The following KIF26B variants were observed in gnomAD, a reference collection of about 807,000 sequenced individuals.
KIF26B encodes the protein kinesin-like protein KIF26B.
In KIF26B, 63 loss-of-function variants were observed where a neutral mutation model predicts 151.2. The observed-to-expected ratio is 0.42, with a 90% CI of 0.34 to 0.51. The LOEUF (loss-of-function observed/expected upper bound fraction) is 0.51. Ranked by LOEUF, KIF26B falls within the 20% of genes least tolerant of loss-of-function variation. The probability of loss-of-function intolerance (pLI) is 0.07; values close to 1 mark genes in which losing one functional copy is unlikely to be tolerated. For synonymous variants in KIF26B, 1,357 were observed against 1,262.1 expected (o/e 1.08, Z -1.59); for missense variants, 2,813 against 2,913.6 (o/e 0.97, Z 0.79).
intron 2 of KIF26B, among the ~76,000 whole-genome samples, chr1:245,171,904 G>A (rs1050996081): frequency 1.3e-5 from 2 of 152,174 alleles, no homozygotes; most frequent in South Asian, 2.1e-4. Flanking sequence ...CTTCACAGGC[G>A]TGTTTTGTCT....
At chr1:245,265,127 G>A (rs577404990) in intron 2 of KIF26B, among the ~76,000 whole-genome samples, 7 of 151,162 alleles carry the variant, frequency 4.6e-5, no homozygotes, top group East Asian at 2.0e-4. Context: ...GTGTGAACCC[G>A]GGAGGCGGAG....
At chr1:245,696,510 T>C (rs1014526091) in intron 12 of KIF26B, among the ~76,000 whole-genome samples, 18 of 152,082 alleles carry the variant, frequency 1.2e-4, no homozygotes, top group African/African-American at 4.1e-4. Context: ...TCAATGTTTG[T>C]TGTTTTAGCC....
intron 2 of KIF26B, among the ~76,000 whole-genome samples, chr1:245,211,839 T>G (rs576390917): frequency 6.6e-6 from 1 of 152,376 alleles, no homozygotes; most frequent in African/African-American, 2.4e-5. Context: ...TGTTTCCTTC[T>G]CAGTTTCTTA....
intron 9 of KIF26B, among the ~76,000 whole-genome samples, chr1:245,619,591 G>A (rs2043635581): frequency 7.8e-6 from 1 of 128,944 alleles, no homozygotes; most frequent in Non-Finnish European, 1.6e-5. Context: ...GGGCAATAGA[G>A]GGAAACTGTT....
intron 2 of KIF26B, among the ~76,000 whole-genome samples, chr1:245,326,519 G>A (rs934197303): frequency 1.3e-5 from 2 of 152,146 alleles, no homozygotes; most frequent in Non-Finnish European, 2.9e-5. Context: ...CAAAGGTTCC[G>A]GACCACTGTT....
At chr1:245,449,932 G>A (rs1659348343) in intron 4 of KIF26B, among the ~76,000 whole-genome samples, 1 of 152,172 alleles carries the variant, frequency 6.6e-6, no homozygotes, top group Non-Finnish European at 1.5e-5. Context: ...TGGATTCATT[G>A]CAAGTGGACT....
At chr1:245,637,564 G>T (rs2043848780) in intron 9 of KIF26B, among the ~76,000 whole-genome samples, 1 of 151,642 alleles carries the variant, frequency 6.6e-6, no homozygotes, top group African/African-American at 2.4e-5. Context: ...ATGTTTTTGA[G>T]GTCTTACCCC....
chr1:245,524,043 T>G (rs915366482), intron 4 of KIF26B, among the ~76,000 whole-genome samples: 1 of 152,212 alleles, frequency 6.6e-6, no homozygotes, highest in African/African-American at 2.4e-5. Context: ...GTAAAATAAT[T>G]TAAATCTTAA....
chr1:245,325,295 C>A (rs1671967444), intron 2 of KIF26B, among the ~76,000 whole-genome samples: 1 of 152,128 alleles, frequency 6.6e-6, no homozygotes, highest in Non-Finnish European at 1.5e-5. Context: ...CATGTAGTTG[C>A]ACCTGCTATG....
chr1:245,196,073 A>T (rs1182528632), intron 2 of KIF26B, among the ~76,000 whole-genome samples: 1 of 152,144 alleles, frequency 6.6e-6, no homozygotes, highest in Non-Finnish European at 1.5e-5. Context: ...ATTTGTTTCT[A>T]GTGTTTTGTA....
At chr1:245,237,481 C>A (rs1172499477) in intron 2 of KIF26B, among the ~76,000 whole-genome samples, 1 of 152,116 alleles carries the variant, frequency 6.6e-6, no homozygotes, top group Non-Finnish European at 1.5e-5. Flanking sequence ...TGTGATCACC[C>A]AGCCGTGGTA....
chr1:245,682,265 AAAAG>A (rs2044450124), intron 10 of KIF26B, among the ~76,000 whole-genome samples: 1 of 152,248 alleles, frequency 6.6e-6, no homozygotes, highest in Non-Finnish European at 1.5e-5. Context: ...GAAAGAAAAA[AAAAG>A]TCATCGAAAT....
intron 2 of KIF26B, among the ~76,000 whole-genome samples, chr1:245,183,574 G>A (rs1028939387): frequency 6.6e-6 from 1 of 152,142 alleles, no homozygotes; most frequent in Non-Finnish European, 1.5e-5. Flanking sequence ...TTCTAACAAA[G>A]CATATGTAGT....
In KIF26B at chr1:245,204,518, C is replaced by T. The variant is rs142321358; in HGVS notation, c.465+47835C>T. On this transcript the variant is annotated intron_variant, in intron 2 of 14. Transcript: ENST00000407071. Reference sequence around the variant, plus strand: ...CCTCCTGAGTAGCTGGGATTACAAGCGCCCGCCACCATGCCCAGCTAATTT... The same window carrying T: ...CCTCCTGAGTAGCTGGGATTACAAGTGCCCGCCACCATGCCCAGCTAATTT... Among the ~76,000 whole-genome samples the T allele has an allele frequency of 9.7e-3, 1,479 of 152,044 alleles. 21 individuals carry two copies. Among genetic ancestry groups the T allele is most frequent in the African/African-American group, 0.032 (1,311 of 41,466 alleles).
chr1:245,430,866 G>A (rs1687098), intron 4 of KIF26B, among the ~76,000 whole-genome samples: 20,481 of 152,152 alleles, frequency 0.13, 1,401 homozygotes, highest in African/African-American at 0.16. Context: ...AGTAGGCAAC[G>A]CATAGGGATC....
Position 245,702,645 on chromosome 1 carries a change from A to T in KIF26B, c.*39A>T. The T allele has an allele frequency of 6.3e-7, 1 of 1,598,198 alleles. No homozygotes were observed. The highest frequency in any genetic ancestry group is 8.5e-7 in the Non-Finnish European group (1 of 1,171,156). ...TTGTCCTAGTGGTCCCCCGCTCCCC[A>T]GGACTTCAGAGATGTTGCACGCCCC... On this transcript the variant is annotated 3_prime_UTR_variant, in exon 15 of 15. Transcript: ENST00000407071. The surrounding 1 kb of genome is among the most constrained non-coding windows in gnomAD (Gnocchi z 4.1).
At chr1:245,379,014 T>A (rs1673340110) in intron 3 of KIF26B, among the ~76,000 whole-genome samples, 1 of 152,218 alleles carries the variant, frequency 6.6e-6, no homozygotes, top group African/African-American at 2.4e-5. Context: ...TTTACTCAAC[T>A]CAAGTTCATG....
At chr1:245,618,598 A>G (rs2043619960) in intron 9 of KIF26B, among the ~76,000 whole-genome samples, 2 of 147,608 alleles carry the variant, frequency 1.4e-5, no homozygotes, top group Admixed American at 1.3e-4. Flanking sequence ...GCCCTATTAG[A>G]CTATAGGTTC....
At chr1:245,319,158 A>G (rs1057380884) in intron 2 of KIF26B, among the ~76,000 whole-genome samples, 3 of 152,242 alleles carry the variant, frequency 2.0e-5, no homozygotes, top group Non-Finnish European at 2.9e-5. Context: ...AACAAACATT[A>G]TACAAGCCAT....
Sources: allele counts gnomAD v4.1 joint callset (sites outside exome capture counted in the v4.1 genomes callset), GRCh38; gene constraint gnomAD v4.1.1; non-coding constraint Gnocchi (gnomAD v3.1); transcripts MANE v1.5; gene names NCBI Gene and HGNC (gene_info 2026-07-23, HGNC 2026-07-21).